The following GNA14 variants were observed in gnomAD, a reference collection of about 807,000 sequenced individuals.
The protein encoded by GNA14 is guanine nucleotide-binding protein subunit alpha-14.
GNA14 carries 50 observed loss-of-function variants against 42.0 expected under a neutral mutation model. The ratio of observed to expected loss-of-function variants is 1.19; its 90% CI spans 0.95 to 1.51. The LOEUF is 1.51. Among genes scored for constraint, GNA14 ranks in the 40% most tolerant of loss-of-function variants. GNA14 has a pLI of 0.00. For missense variants in GNA14, 473 were observed against 446.2 expected (o/e 1.06, Z -0.54); for synonymous variants, 173 against 163.1 (o/e 1.06, Z -0.46).
chr9:77,527,663 C>T (rs1178769763), intron 2 of GNA14, among the ~76,000 whole-genome samples: 2 of 152,126 alleles, frequency 1.3e-5, no homozygotes, highest in African/African-American at 2.4e-5. Flanking sequence ...GACGGAGTTT[C>T]GCTCTTGTTG....
chr9:77,599,910 G>A (rs1477921726), intron 1 of GNA14, among the ~76,000 whole-genome samples: 1 of 152,172 alleles, frequency 6.6e-6, no homozygotes, highest in Non-Finnish European at 1.5e-5. Context: ...TAACTATAGA[G>A]TATGCACTGA....
At chr9:77,498,815 GGGGTGT>G (rs1331962494) in intron 2 of GNA14, among the ~76,000 whole-genome samples, 1 of 152,120 alleles carries the variant, frequency 6.6e-6, no homozygotes, top group Non-Finnish European at 1.5e-5. Flanking sequence ...CTGGCTTTGC[GGGGTGT>G]GGGTGTTTGG....
chr9:77,507,131 T>C (rs1443678837), intron 2 of GNA14, among the ~76,000 whole-genome samples: 1 of 152,194 alleles, frequency 6.6e-6, no homozygotes, highest in Non-Finnish European at 1.5e-5. Flanking sequence ...AGGCCACAAC[T>C]ACAGCCTAGG....
chr9:77,475,119 T>G (rs1836396191), intron 2 of GNA14, among the ~76,000 whole-genome samples: 2 of 151,920 alleles, frequency 1.3e-5, no homozygotes, highest in Non-Finnish European at 2.9e-5. Flanking sequence ...CCAGAGGCAA[T>G]GAAGAGACAA....
chr9:77,490,867 G>A (rs886379436), intron 2 of GNA14, among the ~76,000 whole-genome samples: 11 of 152,370 alleles, frequency 7.2e-5, no homozygotes, highest in Admixed American at 1.3e-4. Flanking sequence ...CTCAAGTGCC[G>A]CTGAAGTGGT....
intron 1 of GNA14, among the ~76,000 whole-genome samples, chr9:77,534,653 G>A (rs919976457): frequency 1.3e-5 from 2 of 152,346 alleles, no homozygotes; most frequent in African/African-American, 2.4e-5. Context: ...TGAGCACACA[G>A]TTCTGGATGT....
chr9:77,485,334 G>C (rs1836638642), intron 2 of GNA14, among the ~76,000 whole-genome samples: 1 of 152,152 alleles, frequency 6.6e-6, no homozygotes, highest in Admixed American at 6.5e-5. Flanking sequence ...TGAGATTGCA[G>C]CAATTCAGTT....
At chr9:77,626,038 A>G (rs1315902997) in intron 1 of GNA14, among the ~76,000 whole-genome samples, 1 of 150,276 alleles carries the variant, frequency 6.7e-6, no homozygotes, top group East Asian at 1.9e-4. Flanking sequence ...GGGATGGAGG[A>G]ATATTTACCA....
intron 2 of GNA14, among the ~76,000 whole-genome samples, chr9:77,438,284 A>T (rs996802203): frequency 5.3e-5 from 8 of 150,498 alleles, no homozygotes; most frequent in Non-Finnish European, 7.4e-5. Context: ...TTTTTTTTTT[A>T]AAGACATAGT....
rs1309561378 is a variant in GNA14, at chr9:77,502,072, T to A, written c.309+26997A>T. ...TCTTTCTCTGTCTCTCTATGTTCTG[T>A]TGCTCAGCCAATCCATTGAGTATAT... On this transcript the variant is annotated intron_variant, in intron 2 of 6. Transcript: ENST00000341700. 2.0e-5 allele frequency among the ~76,000 whole-genome samples: 3 copies of A among 152,248 alleles called. No homozygotes were observed. The East Asian group carries it at 5.8e-4, about 29-fold the overall frequency.
Position 77,647,670 on chromosome 9 carries a change from CCAG to C in GNA14, c.121_123del (p.Leu41del), listed in dbSNP as rs756079982. ...TGGAGTCGGAGACGCAGCCACTCAC[CCAG>C]CAGCAGCAGCTTAAGCTCACGGCGC... On this transcript the variant is annotated inframe_deletion and splice_region_variant, in exon 1 of 7. Transcript: ENST00000341700. The C allele has an allele frequency of 1.9e-6, 3 of 1,609,036 alleles. No homozygotes were observed. Among genetic ancestry groups the C allele is most frequent in the Admixed American group, 1.7e-5 (1 of 59,424 alleles).
intron 2 of GNA14, among the ~76,000 whole-genome samples, chr9:77,465,480 G>A (rs1587778116): frequency 1.3e-5 from 2 of 152,100 alleles, no homozygotes; most frequent in Non-Finnish European, 2.9e-5. Flanking sequence ...GTTTTTGTGC[G>A]GCTGTGTGTT....
At chr9:77,425,833 T>C (rs2131685368) in intron 5 of GNA14, 118 bp from the exon 6 acceptor site, 1 of 779,692 alleles carries the variant, frequency 1.3e-6, no homozygotes, top group East Asian at 2.7e-5. Flanking sequence ...TGGGCCACTG[T>C]CTGCTGAAGC....
At position 77,527,114 on chromosome 9, in the gene GNA14, A is replaced by T. The variant is rs982359048; in HGVS notation, c.309+1955T>A. ...AGCTTTGCCCAGTCACCTCACCATG[A>T]CTGGTAAACAAAATGTATTTTACAA... On this transcript the variant is annotated intron_variant, in intron 2 of 6. Transcript: ENST00000341700. Among the ~76,000 whole-genome samples, 6 of 152,166 alleles carry T rather than the reference A, an allele frequency of 3.9e-5. No homozygotes were observed. In the East Asian group the frequency reaches 9.6e-4, roughly 24 times the overall value.
At position 77,630,004 on chromosome 9, in the gene GNA14, G is replaced by C. The variant is rs555411737; in HGVS notation, c.124+17666C>G. Among the ~76,000 whole-genome samples, 8 of 152,006 alleles carry C rather than the reference G, an allele frequency of 5.3e-5. No individual in the cohort carries two copies. In the South Asian group the frequency reaches 1.2e-3, roughly 24 times the overall value. On this transcript the variant is annotated intron_variant, in intron 1 of 6. Transcript: ENST00000341700. ...AAATAATCTATCAGAGTTGTGATTA[G>C]TTTATGATTTAACAGTAATAAATGT...
At chr9:77,601,676 A>G (rs1823567157) in intron 1 of GNA14, among the ~76,000 whole-genome samples, 3 of 152,240 alleles carry the variant, frequency 2.0e-5, no homozygotes, top group African/African-American at 2.4e-5. Flanking sequence ...AAACCCTCGT[A>G]GCTCACCAAA....
chr9:77,574,693 C>G (rs1823103845), intron 1 of GNA14, among the ~76,000 whole-genome samples: 1 of 152,184 alleles, frequency 6.6e-6, no homozygotes, highest in Non-Finnish European at 1.5e-5. Context: ...ATCAGGCAAG[C>G]TCTGGAATCT....
At chr9:77,428,034 G>C (rs1250282957) in intron 5 of GNA14, among the ~76,000 whole-genome samples, 1 of 149,790 alleles carries the variant, frequency 6.7e-6, no homozygotes, top group East Asian at 2.0e-4. Flanking sequence ...CAGTAAATAT[G>C]AATTTTTAGT....
chr9:77,440,167 T>C (rs1222920654), intron 2 of GNA14, among the ~76,000 whole-genome samples: 2 of 152,252 alleles, frequency 1.3e-5, no homozygotes, highest in Admixed American at 6.5e-5. Context: ...AAAATCACCA[T>C]ATTCACTGCT....
Sources: allele counts gnomAD v4.1 joint callset (sites outside exome capture counted in the v4.1 genomes callset), GRCh38; gene constraint gnomAD v4.1.1; transcripts MANE v1.5; gene names NCBI Gene and HGNC (gene_info 2026-07-23, HGNC 2026-07-21).